SETBP1: variants seen among roughly 807,000 people sequenced by gnomAD.
SETBP1 encodes SET-binding protein.
In SETBP1, 9 loss-of-function variants were observed where a neutral mutation model predicts 101.0. The observed-to-expected ratio is 0.09, with a 90% CI of 0.05 to 0.16. SETBP1 has a LOEUF of 0.16. Ranked by LOEUF, SETBP1 falls within the 10% of genes least tolerant of loss-of-function variation. SETBP1 has a pLI of 1.00. For missense variants in SETBP1, 1,858 were observed against 2,033.8 expected (o/e 0.91, Z 1.66); for synonymous variants, 818 against 788.5 (o/e 1.04, Z -0.63).
At chr18:44,861,301 T>G (rs2069005960) in intron 2 of SETBP1, among the ~76,000 whole-genome samples, 1 of 141,584 alleles carries the variant, frequency 7.1e-6, no homozygotes, top group Non-Finnish European at 1.5e-5. Context: ...TGCAGTGGCG[T>G]GATCTCGGCT....
At chr18:44,771,765 A>G (rs771757259) in intron 2 of SETBP1, among the ~76,000 whole-genome samples, 6 of 152,092 alleles carry the variant, frequency 3.9e-5, no homozygotes, top group Non-Finnish European at 7.4e-5. Flanking sequence ...ATCAAAATCA[A>G]CGTGGGTATT....
At chr18:45,019,791 A>T (rs1388052686) in intron 4 of SETBP1, among the ~76,000 whole-genome samples, 1 of 151,746 alleles carries the variant, frequency 6.6e-6, no homozygotes, top group Non-Finnish European at 1.5e-5. Flanking sequence ...GTTGACAAGA[A>T]TTTTTTTTTA....
intron 2 of SETBP1, among the ~76,000 whole-genome samples, chr18:44,817,229 G>T (rs1255540723): frequency 3.3e-5 from 5 of 152,112 alleles, no homozygotes; most frequent in African/African-American, 1.2e-4. Context: ...AAAGCTGCAG[G>T]CTTCATTACA....
At chr18:44,778,990 G>A (rs16978164) in intron 2 of SETBP1, among the ~76,000 whole-genome samples, 9 of 152,236 alleles carry the variant, frequency 5.9e-5, no homozygotes, top group African/African-American at 2.2e-4. Flanking sequence ...AAACCCTGAG[G>A]TGTTGGGTGG....
At chr18:44,686,436 T>C (rs2068842523) in intron 1 of SETBP1, among the ~76,000 whole-genome samples, 1 of 152,152 alleles carries the variant, frequency 6.6e-6, no homozygotes, top group South Asian at 2.1e-4. Context: ...GCACCCAGCC[T>C]CCTCTGTGGG....
intron 2 of SETBP1, among the ~76,000 whole-genome samples, chr18:44,807,883 G>A (rs967781194): frequency 5.3e-5 from 8 of 152,132 alleles, no homozygotes; most frequent in Admixed American, 4.6e-4. Context: ...GTGACAAGCT[G>A]GACATGTGGG....
At chr18:45,012,911 CCAGACTTCACCATTA>C (rs1484469253) in intron 4 of SETBP1, among the ~76,000 whole-genome samples, 1 of 152,142 alleles carries the variant, frequency 6.6e-6, no homozygotes, top group Non-Finnish European at 1.5e-5. Context: ...CACTAAAAGC[CCAGACTTCACCATTA>C]CAGAGTATAG....
intron 2 of SETBP1, among the ~76,000 whole-genome samples, chr18:44,708,209 C>A (rs1218297850): frequency 6.6e-6 from 1 of 152,150 alleles, no homozygotes; most frequent in Non-Finnish European, 1.5e-5. Flanking sequence ...AAGTGTCCTT[C>A]CCTTGCCATC....
intron 2 of SETBP1, among the ~76,000 whole-genome samples, chr18:44,751,995 C>A (rs551833234): frequency 2.7e-4 from 41 of 152,134 alleles, no homozygotes; most frequent in Non-Finnish European, 5.4e-4. Context: ...GCTTCACTAA[C>A]CTTTATTAGC....
At chr18:44,958,539 A>C (rs1482203479) in intron 4 of SETBP1, among the ~76,000 whole-genome samples, 3 of 152,086 alleles carry the variant, frequency 2.0e-5, no homozygotes, top group Non-Finnish European at 4.4e-5. Flanking sequence ...CAAACATCTC[A>C]TTTTGCTGAT....
intron 1 of SETBP1, among the ~76,000 whole-genome samples, chr18:44,696,546 G>C (rs1320623255): frequency 4.6e-5 from 7 of 152,160 alleles, no homozygotes; most frequent in Admixed American, 3.3e-4. Flanking sequence ...GGAGGGGAGG[G>C]AGGATGTACT....
chr18:44,876,868 T>C (rs1156776448), intron 3 of SETBP1: 1 of 1,411,408 alleles, frequency 7.1e-7, no homozygotes, highest in Non-Finnish European at 9.3e-7. Flanking sequence ...GGGCTTATGA[T>C]CTTCTCTGCC....
At chr18:44,982,695 T>C (rs933536735) in intron 4 of SETBP1, among the ~76,000 whole-genome samples, 1 of 152,208 alleles carries the variant, frequency 6.6e-6, no homozygotes, top group Admixed American at 6.5e-5. Context: ...TCTTATTTTA[T>C]TTCTGTTCCC....
intron 2 of SETBP1, among the ~76,000 whole-genome samples, chr18:44,710,938 G>C (rs894455563): frequency 1.3e-5 from 2 of 152,160 alleles, no homozygotes; most frequent in African/African-American, 4.8e-5. Context: ...CCAGAGAGGA[G>C]GGCAGGAGTT....
At chr18:44,990,668 CA>C (rs2072348861) in intron 4 of SETBP1, among the ~76,000 whole-genome samples, 1 of 151,158 alleles carries the variant, frequency 6.6e-6, no homozygotes, top group Admixed American at 6.6e-5. Context: ...CAGACCCCCC[CA>C]CACACACGTT....
At chr18:45,060,705 T>G (rs1416786085) in intron 5 of SETBP1, among the ~76,000 whole-genome samples, 1 of 152,234 alleles carries the variant, frequency 6.6e-6, no homozygotes, top group East Asian at 1.9e-4. Context: ...TCAGCACATG[T>G]TTTTGAATAT....
At chr18:44,734,161 CAGAT>C (rs757953282) in intron 2 of SETBP1, among the ~76,000 whole-genome samples, 2 of 152,188 alleles carry the variant, frequency 1.3e-5, no homozygotes, top group Non-Finnish European at 2.9e-5. Context: ...AATAAAATCT[CAGAT>C]AGGCAGTATA....
At chr18:44,820,194 C>T (rs2072081421) in intron 2 of SETBP1, among the ~76,000 whole-genome samples, 1 of 152,218 alleles carries the variant, frequency 6.6e-6, no homozygotes, top group Non-Finnish European at 1.5e-5. Flanking sequence ...GGCAGGCAGT[C>T]ACATGGCTGG....
chr18:45,008,167 A>G (rs982510589), intron 4 of SETBP1, among the ~76,000 whole-genome samples: 4 of 152,150 alleles, frequency 2.6e-5, no homozygotes, highest in African/African-American at 9.7e-5. Flanking sequence ...TTCTTGTGGT[A>G]TGAGCAGCAG....
Sources: allele counts gnomAD v4.1 joint callset (sites outside exome capture counted in the v4.1 genomes callset), GRCh38; gene constraint gnomAD v4.1.1; transcripts MANE v1.5; gene names NCBI Gene and HGNC (gene_info 2026-07-23, HGNC 2026-07-21).